PBX3: variants seen among roughly 807,000 people sequenced by gnomAD.
PBX3 encodes the protein PBX homeobox 3.
Under a neutral mutation model 48.5 loss-of-function variants are expected in PBX3, and 14 were observed. The ratio of observed to expected loss-of-function variants is 0.29; its 90% CI spans 0.19 to 0.45. PBX3 has a LOEUF of 0.45. Among genes scored for constraint, PBX3 ranks in the 20% least tolerant of loss-of-function variants. The probability of loss-of-function intolerance (pLI) is 1.00; values close to 1 mark genes in which losing one functional copy is unlikely to be tolerated. For missense variants in PBX3, 386 were observed against 546.7 expected (o/e 0.71, Z 2.93); for synonymous variants, 210 against 200.3 (o/e 1.05, Z -0.41).
At chr9:125,862,442 A>G (rs141036893) in intron 2 of PBX3, among the ~76,000 whole-genome samples, 2,637 of 152,242 alleles carry the variant, frequency 0.017, 84 homozygotes, top group African/African-American at 0.059. Context: ...GCTGGAGTGC[A>G]GTGGCACAAT....
At position 125,806,009 on chromosome 9, in the gene PBX3, C is replaced by T. The variant is rs1306960300; in HGVS notation, c.274+57386C>T. 2.0e-5 allele frequency among the ~76,000 whole-genome samples: 3 copies of T among 152,024 alleles called. No homozygotes were observed. In the East Asian group the frequency reaches 5.8e-4, roughly 29 times the overall value. On this transcript the variant is annotated intron_variant, in intron 2 of 8. Coordinates refer to ENST00000373489, the MANE Select transcript of PBX3 (RefSeq NM_006195.6). ...CTATATATCTATGTATCTATGTATC[C>T]ATCTCTATATCTGTGTAAATGTATG...
At chr9:125,933,996 G>T (rs1841777518) in intron 4 of PBX3, among the ~76,000 whole-genome samples, 1 of 151,820 alleles carries the variant, frequency 6.6e-6, no homozygotes, top group South Asian at 2.1e-4. Flanking sequence ...CTTCTTTTTG[G>T]TGCATTTGTC....
intron 5 of PBX3, among the ~76,000 whole-genome samples, chr9:125,942,936 A>G (rs542480251): frequency 1.4e-4 from 21 of 152,350 alleles, no homozygotes; most frequent in African/African-American, 5.1e-4. Context: ...GTTGTTCTCT[A>G]CAAACAATCA....
At position 125,794,533 on chromosome 9, in the gene PBX3, G is replaced by T. The variant is rs547259379; in HGVS notation, c.274+45910G>T. Among the ~76,000 whole-genome samples the T allele has an allele frequency of 2.0e-5, 3 of 151,996 alleles. No individual in the cohort carries two copies. The South Asian group carries it at 6.2e-4, about 32-fold the overall frequency. On this transcript the variant is annotated intron_variant, in intron 2 of 8. Coordinates refer to ENST00000373489, the MANE Select transcript of PBX3 (RefSeq NM_006195.6). The stretch of plus-strand genomic sequence containing the variant: ...AATGATGCCCTATATGGTACCATGA[G>T]AAGTTAATTGGTTAGCTTTCCTATG...
chr9:125,873,400 A>AT (rs1403981473), intron 2 of PBX3, among the ~76,000 whole-genome samples: 1 of 152,152 alleles, frequency 6.6e-6, no homozygotes, highest in South Asian at 2.1e-4. Context: ...TAGAATATGC[A>AT]TTTTTTCCTC....
rs1839625698 is a variant in PBX3, at chr9:125,853,035, CT to C, written c.275-62646del. On this transcript the variant is annotated intron_variant, in intron 2 of 8. Transcript: ENST00000373489. ...TTCTCTCTCAGTGTCTAAAAACATT[CT>C]TTTTCTCAACTTGCAGGACTGTCCA... Among the ~76,000 whole-genome samples, 7 of 151,376 alleles carry C rather than the reference CT, an allele frequency of 4.6e-5. No individual in the cohort carries two copies. The South Asian group carries it at 1.5e-3, about 31-fold the overall frequency.
intron 5 of PBX3, among the ~76,000 whole-genome samples, chr9:125,941,395 T>C (rs1245032694): frequency 6.6e-6 from 1 of 152,162 alleles, no homozygotes; most frequent in Non-Finnish European, 1.5e-5. Flanking sequence ...AGGAGTGACA[T>C]GGATCTGACT....
chr9:125,811,895 T>C (rs1387492771), intron 2 of PBX3, among the ~76,000 whole-genome samples: 2 of 152,214 alleles, frequency 1.3e-5, no homozygotes, highest in African/African-American at 4.8e-5. Flanking sequence ...CAAATTCATA[T>C]GTTGAAACCT....
intron 2 of PBX3, among the ~76,000 whole-genome samples, chr9:125,872,587 C>T (rs1442344212): frequency 6.6e-6 from 1 of 151,688 alleles, no homozygotes; most frequent in Non-Finnish European, 1.5e-5. Context: ...AGCGAGACCC[C>T]CATCTCACAA....
chr9:125,882,659 T>C (rs1433921077), intron 2 of PBX3, among the ~76,000 whole-genome samples: 1 of 152,242 alleles, frequency 6.6e-6, no homozygotes, highest in Admixed American at 6.5e-5. Flanking sequence ...TGAAATTGTG[T>C]TGTAAATACA....
At chr9:125,816,595 G>A (rs989635366) in intron 2 of PBX3, among the ~76,000 whole-genome samples, 1 of 152,230 alleles carries the variant, frequency 6.6e-6, no homozygotes, top group African/African-American at 2.4e-5. Context: ...GGGATTTACG[G>A]ATGGTCACTT....
In PBX3 at chr9:125,912,033, G is replaced by A. The variant is rs569999584; in HGVS notation, c.275-3653G>A. 1.5e-3 allele frequency among the ~76,000 whole-genome samples: 233 copies of A among 152,184 alleles called. 1 individual carries two copies. Among genetic ancestry groups the A allele is most frequent in the Non-Finnish European group, 1.7e-3 (115 of 67,998 alleles). On this transcript the variant is annotated intron_variant, in intron 2 of 8. Transcript: ENST00000373489. ...AACAGAGGTTAGTCATGGTCCAGTG[G>A]GCTTGGTCCTTGAAATGAGGGAGCC... is the stretch of plus-strand genomic sequence containing the variant.
In PBX3 at chr9:125,747,579, G is replaced by A; in HGVS notation, c.126G>A (p.Arg42=). 1.2e-6 allele frequency: 2 copies of A among 1,607,278 alleles called. No individual in the cohort carries two copies. Among genetic ancestry groups the A allele is most frequent in the East Asian group, 2.3e-5 (1 of 43,892 alleles). Reference sequence around the variant, plus strand: ...ACGAAGGGGCGGACGGCGACGGCAGGAAGCAGGACATCGGCGACATCCTCC... The same window carrying A: ...ACGAAGGGGCGGACGGCGACGGCAGAAAGCAGGACATCGGCGACATCCTCC... The part of the protein sequence containing the change: ...HGHEGADGDG[R]KQDIGDILHQ... The change falls in exon 1 of 9, where the codon AGG becomes AGA. Residue 42 remains arginine, a synonymous_variant. Transcript: ENST00000373489.
chr9:125,895,226 G>A (rs190998051), intron 2 of PBX3, among the ~76,000 whole-genome samples: 5 of 152,190 alleles, frequency 3.3e-5, no homozygotes, highest in Admixed American at 2.0e-4. Flanking sequence ...ATGATAAAAT[G>A]TGCAGTAGCC....
intron 2 of PBX3, among the ~76,000 whole-genome samples, chr9:125,863,370 T>C (rs915207402): frequency 6.6e-6 from 1 of 151,972 alleles, no homozygotes; most frequent in African/African-American, 2.4e-5. Flanking sequence ...CACTCAGCTA[T>C]TTCTTTGTTT....
rs754522528 is a variant in PBX3 at position 125,949,528 on chromosome 9, G to GTA, written c.844-11143_844-11142dup. The stretch of plus-strand genomic sequence containing the variant: ...TTAGTCTCTGATGGACCTATACTGT[G>GTA]TATATATATATATAGTATTCTTTAC... On this transcript the variant is annotated intron_variant, in intron 5 of 8. Transcript: ENST00000373489. 6.0e-4 allele frequency: 860 copies of GTA among 1,423,126 alleles called. 1 individual carries two copies. The African/African-American group carries it at 6.8e-3, about 11-fold the overall frequency. The allele number at this position is 1,423,126 out of a possible 1,614,324, so 88.2% of individuals were successfully genotyped here.
chr9:125,912,726 A>G (rs1000592642), intron 2 of PBX3, among the ~76,000 whole-genome samples: 4 of 152,204 alleles, frequency 2.6e-5, no homozygotes, highest in Non-Finnish European at 4.4e-5. Context: ...TTATACATAC[A>G]TTTTGGATTA....
chr9:125,885,420 T>G (rs1279991751), intron 2 of PBX3, among the ~76,000 whole-genome samples: 5 of 152,198 alleles, frequency 3.3e-5, no homozygotes, highest in Non-Finnish European at 7.4e-5. Flanking sequence ...TATGTACATA[T>G]ATAGATTATT....
At chr9:125,940,373 A>G (rs1202133669) in intron 5 of PBX3, among the ~76,000 whole-genome samples, 1 of 152,224 alleles carries the variant, frequency 6.6e-6, no homozygotes, top group East Asian at 1.9e-4. Context: ...AATCTAAGTA[A>G]CAGAATTTAA....
Sources: gnomAD v4.1 joint callset for allele counts (sites outside exome capture counted in the v4.1 genomes callset) on GRCh38, gnomAD v4.1.1 for gene constraint, MANE v1.5 for transcripts, NCBI Gene and HGNC (gene_info 2026-07-23, HGNC 2026-07-21) for gene names.